Variants in TCP1 observed in about 807,000 individuals in gnomAD.
TCP1 encodes the protein t-complex 1, also known as T-complex protein 1 subunit alpha.
A neutral mutation model predicts 54.7 loss-of-function variants in TCP1; 6 were observed. The observed-to-expected ratio is 0.11, with a 90% CI of 0.06 to 0.22. The LOEUF (loss-of-function observed/expected upper bound fraction) is 0.22. TCP1 is among the 10% of genes least tolerant of loss of function. The probability of loss-of-function intolerance (pLI) is 1.00; values close to 1 mark genes in which losing one functional copy is unlikely to be tolerated. For synonymous variants in TCP1, 225 were observed against 229.7 expected (o/e 0.98, Z 0.19); for missense variants, 511 against 678.2 (o/e 0.75, Z 2.74).
At position 159,779,921 on chromosome 6, in the gene TCP1, A is replaced by G; in HGVS notation, c.1264T>C (p.Tyr422His). The change falls in exon 10 of 12, where the codon TAC becomes CAC. Residue 422 changes from tyrosine to histidine, a missense_variant. Around this residue, in one of 5 missense-constraint regions of TCP1, gnomAD observed 88 missense variants for 153.1 expected, o/e 0.57. Transcript: ENST00000321394. Reference sequence around the variant, plus strand: ...ATGCTGGTTGCATAGTTTTCAAGGTATATGGAAAGGGCTGCTTCTACAGCA... The same window carrying G: ...ATGCTGGTTGCATAGTTTTCAAGGTGTATGGAAAGGGCTGCTTCTACAGCA... ...GGAVEAALSI[Y>H]LENYATSMGS... 1 of 1,614,172 alleles carries G rather than the reference A, an allele frequency of 6.2e-7. No individual in the cohort carries two copies. The highest frequency in any genetic ancestry group is 8.5e-7 in the Non-Finnish European group (1 of 1,180,040).
Position 159,783,826 on chromosome 6 carries a change from T to TA in TCP1, c.797+114dup. ...TAGGTTGTATAACCCCAAATCCCTC[T>TA]AAAAACACCACCAGGCTAATTTTTC... On this transcript the variant is annotated intron_variant, in intron 7 of 11. Transcript: ENST00000321394. 2.1e-6 allele frequency: 3 copies of TA among 1,425,824 alleles called. No homozygotes were observed. The South Asian group carries it at 4.3e-5, about 21-fold the overall frequency. The allele number at this position is 1,425,824 out of a possible 1,614,324, so 88.3% of individuals were successfully genotyped here. A position where few individuals can be genotyped will look rare whatever the true frequency, so the allele number is the denominator to read the frequency against.
intron 6 of TCP1, 147 bp from the exon 7 acceptor site, chr6:159,784,214 A>G (rs1780640279): frequency 1.0e-6 from 1 of 957,556 alleles, no homozygotes; most frequent in Non-Finnish European, 1.5e-6. Flanking sequence ...AAATGCACGT[A>G]ATTTCTTTTA....
chr6:159,778,818 CAG>C lies in TCP1; in HGVS notation c.*225_*226del, dbSNP rs761156163. 5.6e-6 allele frequency: 9 copies of C among 1,614,012 alleles called. No homozygotes were observed. Among genetic ancestry groups the C allele is most frequent in the Admixed American group, 3.3e-5 (2 of 60,000 alleles). ...TGGGATGGGAATAGCAATGTGTGTT[CAG>C]AGAGAATGAATTGCTTAAACTTTGA... On this transcript the variant is annotated 3_prime_UTR_variant, in exon 12 of 12. Coordinates refer to ENST00000321394, the MANE Select transcript of TCP1 (RefSeq NM_030752.3).
chr6:159,788,127 C>A lies in TCP1; in HGVS notation c.81G>T (p.Ser27=). The A allele has an allele frequency of 6.2e-7, 1 of 1,613,942 alleles. No individual in the cohort carries two copies. Among genetic ancestry groups the A allele is most frequent in the Middle Eastern group, 1.7e-4 (1 of 6,060 alleles). ...IRSQNVMAAA[S]IANIVKSSLG... ...GAGAACTTTTTACAATATTGGCAAT[C>A]GAAGCTGCAGCCATAACTGTAGACA... Residue 27 remains serine (S), a synonymous_variant, in exon 2 of 12, where the codon TCG becomes TCT. Transcript: ENST00000321394.
chr6:159,783,715 T>C (rs1226623337), intron 7 of TCP1, among the ~76,000 whole-genome samples: 1 of 152,160 alleles, frequency 6.6e-6, no homozygotes, highest in African/African-American at 2.4e-5. Flanking sequence ...CTGTACTGCT[T>C]TGAGGAAATT....
Position 159,789,518 on chromosome 6 carries a change from G to C in TCP1, c.-50C>G. 2 of 1,609,400 alleles carry C rather than the reference G, an allele frequency of 1.2e-6. No individual in the cohort carries two copies. The highest frequency in any genetic ancestry group is 1.1e-5 in the South Asian group (1 of 90,822). On this transcript the variant is annotated 5_prime_UTR_variant, in exon 1 of 12. Coordinates refer to ENST00000321394, the MANE Select transcript of TCP1 (RefSeq NM_030752.3). ...ATTCTGCTTACACCGCGGGCAACCA[G>C]TATCGCGGCCCCTCGGCCGACCGGC...
At chr6:159,785,616 T>C (rs1463740365) in intron 4 of TCP1, 120 bp from the exon 5 acceptor site, 1 of 874,292 alleles carries the variant, frequency 1.1e-6, no homozygotes, top group Non-Finnish European at 1.9e-6. Flanking sequence ...AGCCATTTCA[T>C]ATAGGAGGAG....
intron 1 of TCP1, 61 bp downstream of exon 1, chr6:159,789,344 G>A: frequency 6.3e-7 from 1 of 1,598,474 alleles, no homozygotes; most frequent in East Asian, 2.2e-5. Context: ...CCGGGGTCCG[G>A]TCGCGGTGGG....
At chr6:159,782,254 G>C (rs1029376874) in intron 7 of TCP1, among the ~76,000 whole-genome samples, 2 of 152,152 alleles carry the variant, frequency 1.3e-5, no homozygotes, top group Non-Finnish European at 2.9e-5. Context: ...TAGATCATTC[G>C]AAGAATTTTT....
intron 7 of TCP1, 66 bp from the exon 8 acceptor site, chr6:159,781,176 A>C: frequency 1.5e-6 from 2 of 1,306,426 alleles, no homozygotes; most frequent in East Asian, 2.5e-5. Flanking sequence ...ACTTCCATTA[A>C]GTATTTATCA....
In TCP1 at chr6:159,779,644, T is replaced by G. The variant is rs1268060633; in HGVS notation, c.1437A>C (p.Glu479Asp). The change falls in exon 11 of 12, where the codon GAA (glutamate) becomes GAC (aspartate). Residue 479 changes from glutamate to aspartate, a missense_variant. Coordinates refer to ENST00000321394, the MANE Select transcript of TCP1 (RefSeq NM_030752.3). Reference protein sequence around the residue: ...AFHNEAQVNPERKNLKWIGLD... With the variant: ...AFHNEAQVNPDRKNLKWIGLD... ...ATGCTTACCATTTTAGATTTTTACG[T>G]TCTGGGTTAACCTGGGCCTCATTAT... 6.2e-7 allele frequency: 1 copy of G among 1,604,786 alleles called. No homozygotes were observed. Among genetic ancestry groups the G allele is most frequent in the Non-Finnish European group, 8.5e-7 (1 of 1,177,650 alleles).
rs549914138 is a variant in TCP1, at chr6:159,782,684, G to A, written c.797+1257C>T. Among the ~76,000 whole-genome samples the A allele has an allele frequency of 4.6e-5, 7 of 152,314 alleles. No individual in the cohort carries two copies. The South Asian group carries it at 1.4e-3, about 32-fold the overall frequency. On this transcript the variant is annotated intron_variant, in intron 7 of 11. Coordinates refer to ENST00000321394, the MANE Select transcript of TCP1 (RefSeq NM_030752.3). Reference sequence around the variant, plus strand: ...GTTCAGTTTTAGACATGTTCACTTTGAGATGCTTGAAAAGCATTCTACTAG... The same window carrying A: ...GTTCAGTTTTAGACATGTTCACTTTAAGATGCTTGAAAAGCATTCTACTAG...
In TCP1 at chr6:159,787,805, T is replaced by C. The variant is rs770146095; in HGVS notation, c.217A>G (p.Lys73Glu). Residue 73 changes from lysine to glutamate, a missense_variant, in exon 3 of 12, where the codon AAA becomes GAA. Lys to Glu is a moderately conservative substitution (Grantham distance 56). Coordinates refer to ENST00000321394, the MANE Select transcript of TCP1 (RefSeq NM_030752.3). ...AGATCAGCCAGCTCACAAAGAACTT[T>C]AGCTGCAGGATGTTCTACCTCCAGT... The part of the protein sequence containing the change: ...KLLEVEHPAA[K>E]VLCELADLQD... The C allele has an allele frequency of 5.6e-6, 9 of 1,614,194 alleles. No homozygotes were observed. The highest frequency in any genetic ancestry group is 7.6e-6 in the Non-Finnish European group (9 of 1,180,018).
At chr6:159,784,890 A>G (rs776698791) in intron 5 of TCP1, 43 bp from the exon 6 acceptor site, 2 of 1,594,102 alleles carry the variant, frequency 1.3e-6, no homozygotes, top group Non-Finnish European at 1.7e-6. Flanking sequence ...GGAATGGACA[A>G]AGGGTACACA....
chr6:159,778,840 CTT>C lies in TCP1; in HGVS notation c.*203_*204del. The C allele has an allele frequency of 6.2e-7, 1 of 1,613,970 alleles. No individual in the cohort carries two copies. The highest frequency in any genetic ancestry group is 1.1e-5 in the South Asian group (1 of 91,056). On this transcript the variant is annotated 3_prime_UTR_variant, in exon 12 of 12. Transcript: ENST00000321394. Reference sequence around the variant, plus strand: ...GTTCAGAGAGAATGAATTGCTTAAACTTTGAACAACCTCAATTTCTTTTTAAA... The same window carrying C: ...GTTCAGAGAGAATGAATTGCTTAAACTGAACAACCTCAATTTCTTTTTAAA...
intron 6 of TCP1, among the ~76,000 whole-genome samples, chr6:159,784,307 A>ATT (rs5881340): frequency 2.8e-5 from 4 of 144,026 alleles, no homozygotes; most frequent in Non-Finnish European, 4.6e-5. Flanking sequence ...AACATTTTTT[A>ATT]TTTTTTTTTT....
At chr6:159,779,430 G>A (rs951717627) in intron 11 of TCP1, among the ~76,000 whole-genome samples, 169 bp from the exon 12 acceptor site, 5 of 152,150 alleles carry the variant, frequency 3.3e-5, no homozygotes, top group East Asian at 1.9e-4. Flanking sequence ...CACAGTTAAC[G>A]AAGACACACC....
rs1780797258 is a variant in TCP1, at chr6:159,789,454, C to G, written c.15G>C (p.Leu5Phe). The G allele has an allele frequency of 2.5e-6, 4 of 1,613,784 alleles. No individual in the cohort carries two copies. The African/African-American group carries it at 4.0e-5, about 16-fold the overall frequency. Reference sequence around the variant, plus strand: ...CAGTGCTGCGGTCACCGAACACGGACAAAGGCCCCTCCATCTTGACGGCAG... The same window carrying G: ...CAGTGCTGCGGTCACCGAACACGGAGAAAGGCCCCTCCATCTTGACGGCAG... MEGPLSVFGDRSTGE... is the reference protein window; with the variant it reads MEGPFSVFGDRSTGE... Residue 5 changes from leucine (L) to phenylalanine (F), a missense_variant, in exon 1 of 12, where the codon TTG (leucine) becomes TTC (phenylalanine). This residue lies in a region of TCP1 where 35 missense variants were observed against 32.7 expected (regional missense o/e 1.07). Coordinates refer to ENST00000321394, the MANE Select transcript of TCP1 (RefSeq NM_030752.3).
At chr6:159,788,414 C>A (rs899443240) in intron 1 of TCP1, 4 of 358,162 alleles carry the variant, frequency 1.1e-5, no homozygotes, top group African/African-American at 6.3e-5. Flanking sequence ...ATAGCGAAAC[C>A]CATTTCTACA....
Sources: gnomAD v4.1 joint callset for allele counts (sites outside exome capture counted in the v4.1 genomes callset) on GRCh38, gnomAD v4.1.1 for gene constraint, gnomAD v4.1.1 regional missense constraint, MANE v1.5 for transcripts, NCBI Gene and HGNC (gene_info 2026-07-23, HGNC 2026-07-21) for gene names.